The following PCBP3 variants were observed in gnomAD, a reference collection of about 807,000 sequenced individuals.
PCBP3 encodes poly(rC)-binding protein 3.
In PCBP3, 25 loss-of-function variants were observed where a neutral mutation model predicts 52.7. The observed-to-expected ratio is 0.47, with a 90% CI of 0.35 to 0.66. The LOEUF (loss-of-function observed/expected upper bound fraction) is 0.66. PCBP3 is among the 30% of genes least tolerant of loss of function. The pLI is 0.01. For missense variants in PCBP3, 391 were observed against 490.3 expected, an observed-to-expected ratio of 0.80 and a Z score of 1.91; for synonymous variants, 162 against 183.0, an observed-to-expected ratio of 0.89 and a Z score of 0.93.
At position 45,917,578 on chromosome 21, in the gene PCBP3, C is replaced by G. The variant is rs746196687; in HGVS notation, c.676-10C>G. ...GGTTGCAGTCTGACGGGGTCTCTCT[C>G]TCTCTCTAGGCCTACACAATCCAGG... is the stretch of plus-strand genomic sequence containing the variant. On this transcript the variant is annotated splice_polypyrimidine_tract_variant and intron_variant, in intron 12 of 17. Coordinates refer to ENST00000681687, the MANE Select transcript of PCBP3 (RefSeq NM_001384156.1). The surrounding 1 kb of genome is among the most constrained non-coding windows in gnomAD (Gnocchi z 5.3). The G allele has an allele frequency of 7.4e-6, 12 of 1,612,390 alleles. No individual in the cohort carries two copies. In the Admixed American group the frequency reaches 1.5e-4, roughly 20 times the overall value.
chr21:45,877,308 G>A (rs554197819), intron 5 of PCBP3, among the ~76,000 whole-genome samples: 144 of 152,314 alleles, frequency 9.5e-4, no homozygotes, highest in African/African-American at 3.3e-3. Flanking sequence ...TGTTAGGACA[G>A]CCTGGATTTA....
intron 2 of PCBP3, among the ~76,000 whole-genome samples, chr21:45,678,698 G>A (rs1603244694): frequency 6.6e-6 from 1 of 151,672 alleles, no homozygotes; most frequent in Admixed American, 6.6e-5. Context: ...CAGAAAAGTG[G>A]TTACTTGAGA....
At chr21:45,933,216 C>T (rs1441423972) in intron 15 of PCBP3, among the ~76,000 whole-genome samples, 7 of 122,482 alleles carry the variant, frequency 5.7e-5, no homozygotes, top group Non-Finnish European at 8.6e-5. Flanking sequence ...TGTCCTGAGA[C>T]GAATGAACAC....
chr21:45,760,345 A>AAAGCATT (rs1353603875), intron 4 of PCBP3: 2 of 152,290 alleles, frequency 1.3e-5, no homozygotes, highest in Middle Eastern at 6.8e-3. Context: ...CTGGCTACTA[A>AAAGCATT]AAGCATTTCT....
At chr21:45,877,564 G>A (rs559402894) in intron 5 of PCBP3, among the ~76,000 whole-genome samples, 2 of 152,348 alleles carry the variant, frequency 1.3e-5, no homozygotes, top group African/African-American at 4.8e-5. Context: ...AACACTTTGG[G>A]AGGCCGAAGC....
intron 4 of PCBP3, among the ~76,000 whole-genome samples, chr21:45,776,990 T>A (rs1306463051): frequency 6.6e-6 from 1 of 152,186 alleles, no homozygotes; most frequent in Non-Finnish European, 1.5e-5. Flanking sequence ...GTTCCTTCTT[T>A]GTGTGATGCT....
chr21:45,772,725 C>T (rs1375735826), intron 4 of PCBP3, among the ~76,000 whole-genome samples: 1 of 152,088 alleles, frequency 6.6e-6, no homozygotes, highest in Non-Finnish European at 1.5e-5. Context: ...TCACCAACAC[C>T]TGTTATTTTT....
intron 4 of PCBP3, chr21:45,761,431 C>T (rs902435281): frequency 3.3e-5 from 5 of 152,230 alleles, no homozygotes; most frequent in African/African-American, 9.7e-5. Flanking sequence ...CCATTTTACT[C>T]CTAGGTTCAC....
At chr21:45,911,473 C>T (rs1013061179) in intron 11 of PCBP3, among the ~76,000 whole-genome samples, 1 of 152,032 alleles carries the variant, frequency 6.6e-6, no homozygotes, top group Non-Finnish European at 1.5e-5. Flanking sequence ...GTCAAACCAC[C>T]GTGGAGGAAC....
intron 4 of PCBP3, among the ~76,000 whole-genome samples, chr21:45,796,264 CTG>C (rs1188182073): frequency 1.3e-5 from 2 of 152,322 alleles, no homozygotes; most frequent in Non-Finnish European, 2.9e-5. Flanking sequence ...CTATAGGTAA[CTG>C]TACCCTCAGA....
chr21:45,913,842 G>A (rs554915790), intron 11 of PCBP3, 109 bp from the exon 12 acceptor site: 10 of 986,218 alleles, frequency 1.0e-5, no homozygotes, highest in East Asian at 7.5e-5. Context: ...TGTGGGGAGC[G>A]TGGAGCTGGT....
intron 5 of PCBP3, among the ~76,000 whole-genome samples, chr21:45,865,024 A>G (rs1363493712): frequency 6.6e-6 from 1 of 152,234 alleles, no homozygotes; most frequent in African/African-American, 2.4e-5. Context: ...TTTCTAAAGG[A>G]CTGTTTCTTA....
chr21:45,688,072 T>C (rs2082256283), intron 2 of PCBP3, among the ~76,000 whole-genome samples: 1 of 152,116 alleles, frequency 6.6e-6, no homozygotes, highest in Admixed American at 6.5e-5. Context: ...TATCAAAAAA[T>C]ATAACAATCC....
chr21:45,867,502 G>C (rs2094791562), intron 5 of PCBP3, among the ~76,000 whole-genome samples: 2 of 152,244 alleles, frequency 1.3e-5, no homozygotes, highest in Non-Finnish European at 2.9e-5. Context: ...GCACGCGGAG[G>C]GTGCGGGCCG....
In PCBP3 at chr21:45,824,549, T is replaced by G. The variant is rs139013251; in HGVS notation, c.-125-25412T>G. On this transcript the variant is annotated intron_variant, in intron 4 of 17. Transcript: ENST00000681687. ...AGAGGTGTGCTGTAGAACCAGCCTG[T>G]GTTCACAGTAAATCTCTGCTTCCGC... Among the ~76,000 whole-genome samples, 357 of 152,368 alleles carry G rather than the reference T, an allele frequency of 2.3e-3. 6 individuals are homozygous for G. Among genetic ancestry groups the G allele is most frequent in the African/African-American group, 8.0e-3 (332 of 41,586 alleles).
At chr21:45,931,583 C>A (rs1326176680) in intron 15 of PCBP3, among the ~76,000 whole-genome samples, 2 of 150,552 alleles carry the variant, frequency 1.3e-5, no homozygotes, top group South Asian at 2.1e-4. Context: ...CTCCTTTACC[C>A]CTGGTACCTG....
intron 4 of PCBP3, among the ~76,000 whole-genome samples, chr21:45,826,527 C>A (rs541309443): frequency 6.6e-6 from 1 of 152,296 alleles, no homozygotes; most frequent in South Asian, 2.1e-4. Flanking sequence ...GCGTGGCCTT[C>A]AGCTTTTAGG....
At chr21:45,808,374 G>A (rs2092577731) in intron 4 of PCBP3, among the ~76,000 whole-genome samples, 1 of 152,040 alleles carries the variant, frequency 6.6e-6, no homozygotes, top group Non-Finnish European at 1.5e-5. Flanking sequence ...TCAAAAAGTG[G>A]GCAAAGGATA....
chr21:45,884,413 A>G (rs759860603), intron 5 of PCBP3, among the ~76,000 whole-genome samples: 3 of 152,202 alleles, frequency 2.0e-5, no homozygotes, highest in Non-Finnish European at 4.4e-5. Context: ...ATATATACAC[A>G]CATACTGAAT....
Sources: allele counts gnomAD v4.1 joint callset (sites outside exome capture counted in the v4.1 genomes callset), GRCh38; gene constraint gnomAD v4.1.1; non-coding constraint Gnocchi (gnomAD v3.1); transcripts MANE v1.5; gene names NCBI Gene and HGNC (gene_info 2026-07-23, HGNC 2026-07-21).